Variants in TTC1 observed in about 807,000 individuals in gnomAD.
The protein encoded by TTC1 is tetratricopeptide repeat domain 1, also known as tetratricopeptide repeat protein 1.
TTC1 carries 31 observed loss-of-function variants against 37.6 expected under a neutral mutation model. That is an observed-to-expected ratio of 0.82 (90% CI 0.62 to 1.11). The LOEUF (loss-of-function observed/expected upper bound fraction) is 1.11. Ranked by LOEUF, TTC1 falls within the 50% of genes most tolerant of loss-of-function variation. The probability of loss-of-function intolerance (pLI) is 0.00; values close to 1 mark genes in which losing one functional copy is unlikely to be tolerated. For synonymous variants in TTC1, 127 were observed against 122.4 expected (o/e 1.04, Z -0.25); for missense variants, 351 against 339.0 (o/e 1.04, Z -0.28).
intron 5 of TTC1, among the ~76,000 whole-genome samples, chr5:160,045,664 T>G (rs1236145275): frequency 6.6e-6 from 1 of 151,890 alleles, no homozygotes; most frequent in Non-Finnish European, 1.5e-5. Flanking sequence ...AAGTTTAAGT[T>G]CATTCTCACC....
At chr5:160,010,257 C>CAAAAAAAAAA (rs397882520) in intron 1 of TTC1, among the ~76,000 whole-genome samples, 1 of 50,318 alleles carries the variant, frequency 2.0e-5, no homozygotes. Context: ...GATTAAGTCT[C>CAAAAAAAAAA]AAAAAAAAAA....
rs2113412005 is a variant in TTC1, at chr5:160,057,875, C to A, written c.745+6692C>A. 6.6e-6 allele frequency among the ~76,000 whole-genome samples: 1 copy of A among 152,284 alleles called. No individual in the cohort carries two copies. Among genetic ancestry groups the A allele is most frequent in the East Asian group, 1.9e-4 (1 of 5,178 alleles). ...CCCCGCCTCCTGGGTTCAAACAATT[C>A]TTCTGCCTCAGCCTCCCAAGTAGCT... On this transcript the variant is annotated intron_variant, in intron 7 of 7. Transcript: ENST00000231238. The surrounding 1 kb of genome is among the most constrained non-coding windows in gnomAD (Gnocchi z 4.4).
At chr5:160,011,533 A>G (rs946536554) in intron 2 of TTC1, among the ~76,000 whole-genome samples, 5 of 152,242 alleles carry the variant, frequency 3.3e-5, no homozygotes, top group African/African-American at 1.2e-4. Context: ...GAATTGCAAA[A>G]CTAATTCTCA....
At chr5:160,025,238 G>A (rs1756781132) in intron 2 of TTC1, among the ~76,000 whole-genome samples, 1 of 152,146 alleles carries the variant, frequency 6.6e-6, no homozygotes, top group African/African-American at 2.4e-5. Flanking sequence ...ATGTTGGCCA[G>A]GCTGGTCTCG....
intron 2 of TTC1, among the ~76,000 whole-genome samples, chr5:160,017,112 G>T (rs1220424106): frequency 1.3e-5 from 2 of 152,196 alleles, no homozygotes; most frequent in Non-Finnish European, 2.9e-5. Flanking sequence ...AGATGTACTA[G>T]GTATGTGAAG....
intron 2 of TTC1, among the ~76,000 whole-genome samples, chr5:160,018,262 C>A (rs1052184365): frequency 7.9e-5 from 12 of 152,100 alleles, no homozygotes; most frequent in Admixed American, 7.9e-4. Context: ...ATTTCCAGCC[C>A]CTAGAGCTGT....
chr5:160,021,735 T>G (rs971907863), intron 2 of TTC1, among the ~76,000 whole-genome samples: 4 of 152,220 alleles, frequency 2.6e-5, no homozygotes, highest in Admixed American at 2.6e-4. Flanking sequence ...GCTTATTTTT[T>G]TAATGATAAG....
At chr5:160,040,931 T>C (rs572074592) in intron 4 of TTC1, among the ~76,000 whole-genome samples, 66 of 151,728 alleles carry the variant, frequency 4.3e-4, no homozygotes, top group Non-Finnish European at 9.1e-4. Flanking sequence ...CTATATACTT[T>C]TTTCTATTAA....
chr5:160,033,901 A>G (rs1756959458), intron 2 of TTC1, among the ~76,000 whole-genome samples: 2 of 152,184 alleles, frequency 1.3e-5, no homozygotes, highest in African/African-American at 2.4e-5. Context: ...GAAATTACTT[A>G]ATCAGAATGC....
chr5:160,012,690 T>C (rs1458518323), intron 2 of TTC1, among the ~76,000 whole-genome samples: 1 of 152,226 alleles, frequency 6.6e-6, no homozygotes, highest in Admixed American at 6.5e-5. Context: ...TTTTATTGCC[T>C]GTAAGTTTAA....
At position 160,065,233 on chromosome 5, in the gene TTC1, T is replaced by G. The variant is rs1470022584; in HGVS notation, c.*168T>G. 3 of 945,896 alleles carry G rather than the reference T, an allele frequency of 3.2e-6. No homozygotes were observed. The highest frequency in any genetic ancestry group is 4.9e-6 in the Non-Finnish European group (3 of 610,258). The allele number at this position is 945,896 out of a possible 1,614,324, so 58.6% of individuals were successfully genotyped here. A position where few individuals can be genotyped will look rare whatever the true frequency, so the allele number is the denominator to read the frequency against. Reference sequence around the variant, plus strand: ...TCCCTCTTTTATGATCAGGGTGAAATGTACTTCCTGATGTAATGAACCTAA... The same window carrying G: ...TCCCTCTTTTATGATCAGGGTGAAAGGTACTTCCTGATGTAATGAACCTAA... On this transcript the variant is annotated 3_prime_UTR_variant, in exon 8 of 8. Coordinates refer to ENST00000231238, the MANE Select transcript of TTC1 (RefSeq NM_003314.3).
At chr5:160,042,420 A>G (rs921529977) in intron 4 of TTC1, among the ~76,000 whole-genome samples, 7 of 152,226 alleles carry the variant, frequency 4.6e-5, no homozygotes, top group African/African-American at 1.7e-4. Context: ...AAGACATCTT[A>G]TATAACATCC....
intron 6 of TTC1, among the ~76,000 whole-genome samples, 178 bp downstream of exon 6, chr5:160,049,840 G>A (rs1429437204): frequency 6.6e-6 from 1 of 152,102 alleles, no homozygotes; most frequent in Non-Finnish European, 1.5e-5. Context: ...CACTTTAGGA[G>A]GCCAAGGAGG....
chr5:160,036,419 T>C (rs1379175298), intron 3 of TTC1: 2 of 289,764 alleles, frequency 6.9e-6, no homozygotes, highest in East Asian at 1.2e-4. Context: ...ATGCCAGGAC[T>C]CCTGAGTATT....
At chr5:160,021,053 G>C (rs555506008) in intron 2 of TTC1, among the ~76,000 whole-genome samples, 1 of 152,268 alleles carries the variant, frequency 6.6e-6, no homozygotes, top group Admixed American at 6.5e-5. Flanking sequence ...TTAAAATGAC[G>C]TTCAGTATTT....
At chr5:160,010,430 T>G in intron 1 of TTC1, 70 bp from the exon 2 acceptor site, 1 of 1,033,884 alleles carries the variant, frequency 9.7e-7, no homozygotes, top group Non-Finnish European at 1.4e-6. Flanking sequence ...AGAGGTTTGT[T>G]TAGGTTTGAA....
At chr5:160,046,553 C>A (rs1757251675) in intron 5 of TTC1, among the ~76,000 whole-genome samples, 1 of 152,046 alleles carries the variant, frequency 6.6e-6, no homozygotes, top group South Asian at 2.1e-4. Flanking sequence ...TAAATACTAT[C>A]TATAAATTAG....
chr5:160,059,804 T>C (rs1215009704), intron 7 of TTC1, among the ~76,000 whole-genome samples: 1 of 152,122 alleles, frequency 6.6e-6, no homozygotes, highest in Non-Finnish European at 1.5e-5. Flanking sequence ...CCATAACAGG[T>C]ATAAGAATAG....
At chr5:160,023,296 T>C (rs1207444863) in intron 2 of TTC1, among the ~76,000 whole-genome samples, 1 of 146,216 alleles carries the variant, frequency 6.8e-6, no homozygotes, top group Non-Finnish European at 1.5e-5. Flanking sequence ...TTTTCTTTCT[T>C]TTTTTTTTTT....
Sources: gnomAD v4.1 joint callset for allele counts (sites outside exome capture counted in the v4.1 genomes callset) on GRCh38, gnomAD v4.1.1 for gene constraint, Gnocchi (gnomAD v3.1) non-coding constraint, MANE v1.5 for transcripts, NCBI Gene and HGNC (gene_info 2026-07-23, HGNC 2026-07-21) for gene names.